The following TOGARAM2 variants were observed in gnomAD, a reference collection of about 807,000 sequenced individuals.
TOGARAM2 encodes the protein TOG array regulator of axonemal microtubules protein 2.
A neutral mutation model predicts 93.3 loss-of-function variants in TOGARAM2; 85 were observed. The observed-to-expected ratio is 0.91, with a 90% CI of 0.76 to 1.09. The LOEUF is 1.09. Ranked by LOEUF, TOGARAM2 falls within the 50% of genes least tolerant of loss-of-function variation. The pLI is 0.00. For synonymous variants in TOGARAM2, 593 were observed against 552.8 expected, an observed-to-expected ratio of 1.07 and a Z score of -1.02; for missense variants, 1,277 against 1,334.5, an observed-to-expected ratio of 0.96 and a Z score of 0.67.
intron 6 of TOGARAM2, among the ~76,000 whole-genome samples, chr2:29,006,115 A>T (rs7598501): frequency 0.75 from 105,899 of 141,862 alleles, 40,044 homozygotes; most frequent in Non-Finnish European, 0.85. Context: ...TGTGGAGTGC[A>T]TATGTGTGTG....
intron 16 of TOGARAM2, among the ~76,000 whole-genome samples, chr2:29,034,082 T>C (rs1340369987): frequency 2.0e-5 from 3 of 152,142 alleles, no homozygotes; most frequent in African/African-American, 7.2e-5. Flanking sequence ...TGTCCTGGGC[T>C]GATCCCATCT....
intron 8 of TOGARAM2, among the ~76,000 whole-genome samples, chr2:29,014,963 C>G: frequency 6.6e-6 from 1 of 152,158 alleles, no homozygotes. Context: ...TGAGAGGCAG[C>G]TGACTCAGGG....
At chr2:29,026,622 G>T (rs918893966) in intron 13 of TOGARAM2, among the ~76,000 whole-genome samples, 1 of 152,216 alleles carries the variant, frequency 6.6e-6, no homozygotes, top group Non-Finnish European at 1.5e-5. Context: ...GGGGAACCTC[G>T]TGTAGCTTCA....
chr2:29,011,380 C>A (rs542542897), intron 6 of TOGARAM2, 75 bp from the exon 7 acceptor site: 2 of 1,444,170 alleles, frequency 1.4e-6, no homozygotes, highest in Non-Finnish European at 1.9e-6. Flanking sequence ...CATCCTGGAG[C>A]CACCCTGGGC....
At chr2:29,012,176 G>A (rs531891925) in intron 7 of TOGARAM2, among the ~76,000 whole-genome samples, 1 of 152,188 alleles carries the variant, frequency 6.6e-6, no homozygotes, top group Non-Finnish European at 1.5e-5. Context: ...AGCCTCTGCT[G>A]CAGGGTTGGG....
chr2:29,013,387 T>A (rs943187771), intron 7 of TOGARAM2, among the ~76,000 whole-genome samples: 1 of 152,148 alleles, frequency 6.6e-6, no homozygotes, highest in Admixed American at 6.5e-5. Flanking sequence ...TTAGGGAGAA[T>A]TGGCTCACAC....
At position 29,024,130 on chromosome 2, in the gene TOGARAM2, C is replaced by G; in HGVS notation, c.1618-9C>G. The G allele has an allele frequency of 6.4e-7, 1 of 1,561,412 alleles. No homozygotes were observed. Among genetic ancestry groups the G allele is most frequent in the South Asian group, 1.2e-5 (1 of 84,632 alleles). Reference sequence around the variant, plus strand: ...CAGCACCCTGGAGGGCCTCTCTCCTCTCTCCAAGGTCACCAACCTGCGGTC... The same window carrying G: ...CAGCACCCTGGAGGGCCTCTCTCCTGTCTCCAAGGTCACCAACCTGCGGTC... On this transcript the variant is annotated splice_polypyrimidine_tract_variant and intron_variant, in intron 12 of 19. Transcript: ENST00000379558.
rs551854946 is a variant in TOGARAM2, at chr2:29,026,707, C to T, written c.1854-146C>T. 9.1e-4 allele frequency: 735 copies of T among 807,942 alleles called. 6 individuals are homozygous for T. The highest frequency in any genetic ancestry group is 2.1e-3 in the South Asian group (79 of 36,998). 50.0% of individuals were successfully genotyped at this position (807,942 alleles called of 1,614,324 possible). On this transcript the variant is annotated intron_variant, in intron 13 of 19. Coordinates refer to ENST00000379558, the MANE Select transcript of TOGARAM2 (RefSeq NM_199280.4). ...AGTGAGTGCTCTTTCCTCAAAGATT[C>T]CCCTCAGCTCACATGGGGACAGGTA...
chr2:29,010,055 GTT>G (rs1664136974), intron 6 of TOGARAM2, among the ~76,000 whole-genome samples: 1 of 134,048 alleles, frequency 7.5e-6, no homozygotes. Context: ...GTGTGTGTGT[GTT>G]GGGGGGGCGC....
intron 6 of TOGARAM2, among the ~76,000 whole-genome samples, chr2:29,010,485 G>T (rs1392463088): frequency 1.3e-5 from 2 of 152,098 alleles, no homozygotes; most frequent in Non-Finnish European, 2.9e-5. Flanking sequence ...GACCTCCACA[G>T]TCCCCAAGGA....
intron 13 of TOGARAM2, among the ~76,000 whole-genome samples, chr2:29,026,373 G>A (rs1445959214): frequency 2.6e-5 from 4 of 152,198 alleles, no homozygotes; most frequent in African/African-American, 7.2e-5. Flanking sequence ...CCCACAGGGA[G>A]CTGGCAGCCT....
At chr2:28,970,818 A>G (rs1671939216) in intron 1 of TOGARAM2, 1 of 152,240 alleles carries the variant, frequency 6.6e-6, no homozygotes, top group Admixed American at 6.5e-5. Context: ...GGCTACTGAC[A>G]GATACCAAAA....
At chr2:28,975,424 G>A (rs1247623630) in intron 1 of TOGARAM2, among the ~76,000 whole-genome samples, 4 of 151,926 alleles carry the variant, frequency 2.6e-5, no homozygotes, top group Non-Finnish European at 4.4e-5. Flanking sequence ...TCCTGACCTC[G>A]TGATCTGCCC....
intron 6 of TOGARAM2, among the ~76,000 whole-genome samples, chr2:29,009,798 G>A (rs1381195228): frequency 3.3e-5 from 5 of 152,124 alleles, no homozygotes; most frequent in Non-Finnish European, 7.4e-5. Context: ...CCTCCTTGGG[G>A]CCTGCGGAGG....
chr2:29,005,944 T>TGC (rs1663752874), intron 6 of TOGARAM2, among the ~76,000 whole-genome samples: 1 of 137,380 alleles, frequency 7.3e-6, no homozygotes, highest in African/African-American at 2.7e-5. Flanking sequence ...GTGTGTGGGG[T>TGC]ATGTGTGCAT....
Position 29,005,023 on chromosome 2 carries a change from CATGT to C in TOGARAM2, c.830+1346_830+1349del, listed in dbSNP as rs1160316235. 1.4e-3 allele frequency among the ~76,000 whole-genome samples: 21 copies of C among 14,730 alleles called. 2 individuals are homozygous for C. Among genetic ancestry groups the C allele is most frequent in the African/African-American group, 3.0e-3 (20 of 6,598 alleles). 9.7% of individuals were successfully genotyped at this position (14,730 alleles called of 152,430 possible). On this transcript the variant is annotated intron_variant, in intron 6 of 19. Coordinates refer to ENST00000379558, the MANE Select transcript of TOGARAM2 (RefSeq NM_199280.4). ...GTGTGTGCATGTGTATGTGTGAGTG[CATGT>C]ATGTGAGTGCATGTGTGTGCATGTG...
chr2:29,017,543 A>C (rs919605036), intron 9 of TOGARAM2, among the ~76,000 whole-genome samples: 1 of 152,150 alleles, frequency 6.6e-6, no homozygotes, highest in African/African-American at 2.4e-5. Context: ...AGTAGTGGGA[A>C]ATACAGACGT....
chr2:29,002,444 A>C, intron 4 of TOGARAM2, 92 bp from the exon 5 acceptor site: 1 of 1,145,902 alleles, frequency 8.7e-7, no homozygotes, highest in Middle Eastern at 2.9e-4. Flanking sequence ...AGTCCTTCCC[A>C]GGGCAGAAGG....
intron 10 of TOGARAM2, among the ~76,000 whole-genome samples, chr2:29,019,012 T>C (rs1664764069): frequency 6.6e-6 from 1 of 152,154 alleles, no homozygotes; most frequent in South Asian, 2.1e-4. Context: ...TGACAGAAAG[T>C]TCCCTTTAAA....
Sources: gnomAD v4.1 joint callset for allele counts (sites outside exome capture counted in the v4.1 genomes callset) on GRCh38, gnomAD v4.1.1 for gene constraint, MANE v1.5 for transcripts, NCBI Gene and HGNC (gene_info 2026-07-23, HGNC 2026-07-21) for gene names.